The following BRINP3 variants were observed in gnomAD, a reference collection of about 807,000 sequenced individuals.
The protein encoded by BRINP3 is BMP/retinoic acid inducible neural specific 3, also known as BMP/retinoic acid-inducible neural-specific protein 3.
In BRINP3, 19 loss-of-function variants were observed where a neutral mutation model predicts 71.0. That is an observed-to-expected ratio of 0.27 (90% confidence interval 0.19 to 0.39). The LOEUF is 0.39. Ranked by LOEUF, BRINP3 falls within the 10% of genes least tolerant of loss-of-function variation. BRINP3 has a pLI of 1.00. For missense variants in BRINP3, 959 were observed against 940.8 expected (o/e 1.02, Z -0.25); for synonymous variants, 380 against 337.7 (o/e 1.13, Z -1.37).
At chr1:190,121,165 C>A (rs1185886404) in intron 7 of BRINP3, among the ~76,000 whole-genome samples, 1 of 152,118 alleles carries the variant, frequency 6.6e-6, no homozygotes, top group Non-Finnish European at 1.5e-5. Flanking sequence ...CTAAATCTAA[C>A]ACAAAACCGG....
At chr1:190,463,012 CAT>C (rs1250578673) in intron 1 of BRINP3, among the ~76,000 whole-genome samples, 5 of 151,970 alleles carry the variant, frequency 3.3e-5, no homozygotes, top group East Asian at 1.9e-4. Context: ...TATTTTAAAA[CAT>C]GTACTGAAAA....
At chr1:190,308,991 T>C (rs1267777614) in intron 2 of BRINP3, among the ~76,000 whole-genome samples, 2 of 151,916 alleles carry the variant, frequency 1.3e-5, no homozygotes, top group East Asian at 3.9e-4. Context: ...AATATTTGTA[T>C]ACCCATGTTC....
At chr1:190,265,198 G>A (rs769283654) in intron 3 of BRINP3, 143 bp from the exon 4 acceptor site, 11 of 699,976 alleles carry the variant, frequency 1.6e-5, no homozygotes, top group Non-Finnish European at 2.4e-5. Context: ...TTTTATTTTT[G>A]GTCACAGATA....
At chr1:190,240,799 G>A (rs1658995515) in intron 4 of BRINP3, among the ~76,000 whole-genome samples, 3 of 148,718 alleles carry the variant, frequency 2.0e-5, no homozygotes, top group Admixed American at 1.4e-4. Context: ...TTGAACCTGG[G>A]AGGCGGAGAT....
In BRINP3 at chr1:190,097,806, T is replaced by G; in HGVS notation, c.*212A>C. ...AAAAGTAGAATGTCTTCTAGACTGG[T>G]GTCAGTATTTATGTCATTCATAAAC... On this transcript the variant is annotated 3_prime_UTR_variant, in exon 8 of 8. Transcript: ENST00000367462. 1 of 514,228 alleles carries G rather than the reference T, an allele frequency of 1.9e-6. No homozygotes were observed. Among genetic ancestry groups the G allele is most frequent in the Non-Finnish European group, 3.4e-6 (1 of 292,884 alleles). The allele number at this position is 514,228 out of a possible 1,614,324, so 31.9% of individuals were successfully genotyped here.
At chr1:190,252,388 C>T (rs1660228455) in intron 4 of BRINP3, among the ~76,000 whole-genome samples, 1 of 151,916 alleles carries the variant, frequency 6.6e-6, no homozygotes, top group South Asian at 2.1e-4. Context: ...TAAGGTATTT[C>T]CAAAAGAGAG....
chr1:190,279,622 T>C (rs536910502), intron 3 of BRINP3, among the ~76,000 whole-genome samples: 164 of 151,938 alleles, frequency 1.1e-3, no homozygotes, highest in African/African-American at 3.0e-3. Context: ...TCCATCTGCC[T>C]TAGCCGCCTA....
intron 2 of BRINP3, among the ~76,000 whole-genome samples, chr1:190,435,115 G>A (rs903313111): frequency 6.6e-6 from 1 of 152,122 alleles, no homozygotes; most frequent in African/African-American, 2.4e-5. Flanking sequence ...CCTGATCAAT[G>A]AAATTGTTCC....
chr1:190,300,258 C>T (rs1011782462), intron 2 of BRINP3, among the ~76,000 whole-genome samples: 3 of 152,052 alleles, frequency 2.0e-5, no homozygotes, highest in Non-Finnish European at 4.4e-5. Flanking sequence ...TCTTTTTATT[C>T]TTTTTTCTCT....
chr1:190,116,272 T>C (rs950328683), intron 7 of BRINP3, among the ~76,000 whole-genome samples: 9 of 152,094 alleles, frequency 5.9e-5, no homozygotes, highest in African/African-American at 2.2e-4. Flanking sequence ...CATTAAGAGC[T>C]GAAAATTGAT....
At chr1:190,272,925 G>A (rs1486996329) in intron 3 of BRINP3, among the ~76,000 whole-genome samples, 1 of 151,576 alleles carries the variant, frequency 6.6e-6, no homozygotes, top group East Asian at 1.9e-4. Context: ...ATGACTATTT[G>A]ATGTAAACTT....
At chr1:190,104,496 A>G (rs1239150483) in intron 7 of BRINP3, among the ~76,000 whole-genome samples, 2 of 152,046 alleles carry the variant, frequency 1.3e-5, no homozygotes, top group African/African-American at 4.8e-5. Flanking sequence ...TCTTTATTAT[A>G]GCCACTTTTT....
intron 2 of BRINP3, among the ~76,000 whole-genome samples, chr1:190,325,747 A>G (rs1666538788): frequency 6.6e-6 from 1 of 152,094 alleles, no homozygotes; most frequent in African/African-American, 2.4e-5. Context: ...GATCTGACAC[A>G]ATCTTTGTCA....
chr1:190,452,281 G>A (rs953625703), intron 2 of BRINP3, among the ~76,000 whole-genome samples: 10 of 152,084 alleles, frequency 6.6e-5, no homozygotes, highest in Non-Finnish European at 8.8e-5. Context: ...ATCAATAACC[G>A]TGGCATCATT....
chr1:190,466,960 A>G (rs545296211), intron 1 of BRINP3, among the ~76,000 whole-genome samples: 11 of 151,738 alleles, frequency 7.2e-5, no homozygotes, highest in Admixed American at 2.6e-4. Context: ...AGATAAAAAA[A>G]CACAACGAAC....
At chr1:190,263,346 C>T (rs1469317110) in intron 4 of BRINP3, among the ~76,000 whole-genome samples, 1 of 152,050 alleles carries the variant, frequency 6.6e-6, no homozygotes, top group Non-Finnish European at 1.5e-5. Flanking sequence ...TAACATTAGT[C>T]CTAGAGTCAG....
intron 4 of BRINP3, among the ~76,000 whole-genome samples, chr1:190,252,344 A>G (rs1042121243): frequency 6.6e-5 from 10 of 152,084 alleles, no homozygotes; most frequent in African/African-American, 2.4e-4. Flanking sequence ...CAGAATTATT[A>G]TAAAAATAGA....
At chr1:190,151,626 T>C (rs1656403390) in intron 7 of BRINP3, among the ~76,000 whole-genome samples, 1 of 152,186 alleles carries the variant, frequency 6.6e-6, no homozygotes, top group South Asian at 2.1e-4. Context: ...TATGTCCTAG[T>C]AAATGAATCA....
intron 4 of BRINP3, 63 bp downstream of exon 4, chr1:190,264,802 C>T: frequency 7.4e-7 from 1 of 1,345,538 alleles, no homozygotes; most frequent in Non-Finnish European, 1.0e-6. Flanking sequence ...CATAAAAATG[C>T]CTTTTGGATA....
Sources: allele counts gnomAD v4.1 joint callset (sites outside exome capture counted in the v4.1 genomes callset), GRCh38; gene constraint gnomAD v4.1.1; transcripts MANE v1.5; gene names NCBI Gene and HGNC (gene_info 2026-07-23, HGNC 2026-07-21).